Variants in RBM33 observed in about 807,000 individuals in gnomAD.
RBM33 encodes RNA-binding protein 33.
In RBM33, 28 loss-of-function variants were observed where a neutral mutation model predicts 132.6. The observed-to-expected ratio is 0.21, with a 90% confidence interval of 0.16 to 0.29. RBM33 has a LOEUF of 0.29. Ranked by LOEUF, RBM33 falls within the 10% of genes least tolerant of loss-of-function variation. The pLI, the probability that RBM33 is intolerant of heterozygous loss-of-function variation, is 1.00. For synonymous variants in RBM33, 634 were observed against 593.0 expected, an observed-to-expected ratio of 1.07 and a Z score of -1.01; for missense variants, 1,291 against 1,518.5, an observed-to-expected ratio of 0.85 and a Z score of 2.49.
chr7:155,752,690 C>T (rs1801723092), intron 14 of RBM33, among the ~76,000 whole-genome samples: 1 of 152,126 alleles, frequency 6.6e-6, no homozygotes, highest in South Asian at 2.1e-4. Flanking sequence ...GTCTAAGAAC[C>T]CATGGAAATT....
In RBM33 at chr7:155,738,244, G is replaced by T. The variant is rs769782368; in HGVS notation, c.1578G>T (p.Arg526=). 1.1e-5 allele frequency: 17 copies of T among 1,613,844 alleles called. No homozygotes were observed. In the South Asian group the frequency reaches 1.9e-4, roughly 18 times the overall value. ...AGCAGCCAGTGTTCCCAAGAGAGCG[G>T]CCCGTACGACCAGCCTTGCAGCCTC... The part of the protein sequence containing the change: ...QGQQPVFPRE[R]PVRPALQPPG... The change falls in exon 11 of 18, where the codon CGG becomes CGT. Residue 526 remains arginine (R), a synonymous_variant. Coordinates refer to ENST00000401878, the MANE Select transcript of RBM33 (RefSeq NM_053043.3).
At chr7:155,773,568 CA>C (rs201127157) in intron 16 of RBM33, among the ~76,000 whole-genome samples, 653 of 50,378 alleles carry the variant, frequency 0.013, 1 homozygote, top group African/African-American at 0.031. Context: ...ACTCCATCTC[CA>C]AAAAAAAAAA....
chr7:155,715,207 G>T (rs142037612), intron 8 of RBM33, among the ~76,000 whole-genome samples: 1 of 152,126 alleles, frequency 6.6e-6, no homozygotes, highest in East Asian at 1.9e-4. Context: ...AATGGGGAAG[G>T]GTGGCTTTCT....
In RBM33 at chr7:155,774,123, G is replaced by T. The variant is rs1235788080; in HGVS notation, c.3376-436G>T. Among the ~76,000 whole-genome samples, 1 of 152,252 alleles carries T rather than the reference G, an allele frequency of 6.6e-6. No individual in the cohort carries two copies. Among genetic ancestry groups the T allele is most frequent in the Non-Finnish European group, 1.5e-5 (1 of 68,040 alleles). The stretch of plus-strand genomic sequence containing the variant: ...TAGGGGCCATTGCCTACTGTGGGCT[G>T]TGGGGCCCCCATACTAAACAGTTTC... On this transcript the variant is annotated intron_variant, in intron 16 of 17. Transcript: ENST00000401878. The surrounding 1 kb of genome is among the most constrained non-coding windows in gnomAD (Gnocchi z 4.2).
intron 1 of RBM33, among the ~76,000 whole-genome samples, chr7:155,649,416 A>G (rs1403640754): frequency 6.6e-6 from 1 of 152,218 alleles, no homozygotes; most frequent in Non-Finnish European, 1.5e-5. Flanking sequence ...GAATGAATTA[A>G]AGAATGACAT....
At chr7:155,769,287 A>G (rs1802328085) in intron 16 of RBM33, among the ~76,000 whole-genome samples, 1 of 152,326 alleles carries the variant, frequency 6.6e-6, no homozygotes, top group Non-Finnish European at 1.5e-5. Context: ...AGGAACTGAA[A>G]GAAGCAAGAA....
At chr7:155,680,963 C>T (rs1799322500) in intron 5 of RBM33, 55 bp downstream of exon 5, 5 of 1,391,330 alleles carry the variant, frequency 3.6e-6, no homozygotes, top group Non-Finnish European at 4.9e-6. Flanking sequence ...CATGCATAGG[C>T]TTCTAGACTG....
At chr7:155,678,138 A>G (rs1169750482) in intron 3 of RBM33, among the ~76,000 whole-genome samples, 1 of 107,962 alleles carries the variant, frequency 9.3e-6, no homozygotes, top group African/African-American at 3.0e-5. Flanking sequence ...TGGAAAAACC[A>G]AAGTTTTATA....
At chr7:155,760,084 T>C (rs899732710) in intron 14 of RBM33, among the ~76,000 whole-genome samples, 1 of 152,240 alleles carries the variant, frequency 6.6e-6, no homozygotes, top group African/African-American at 2.4e-5. Context: ...CAGAACTACT[T>C]AACTTTAAAA....
At chr7:155,670,318 C>G (rs1798911632) in intron 2 of RBM33, among the ~76,000 whole-genome samples, 2 of 152,196 alleles carry the variant, frequency 1.3e-5, no homozygotes, top group South Asian at 4.1e-4. Flanking sequence ...ACACTTACTG[C>G]TGCTGCCAGC....
chr7:155,697,171 C>A (rs1799815286), intron 5 of RBM33, among the ~76,000 whole-genome samples: 1 of 151,818 alleles, frequency 6.6e-6, no homozygotes, highest in South Asian at 2.1e-4. Context: ...AGGAAAGCAA[C>A]TTAAGCCCCA....
intron 14 of RBM33, among the ~76,000 whole-genome samples, chr7:155,748,085 G>A (rs1358562534): frequency 6.6e-6 from 1 of 152,226 alleles, no homozygotes; most frequent in African/African-American, 2.4e-5. Flanking sequence ...GGGCTGAGCA[G>A]ACCTTGGCTG....
chr7:155,742,370 T>C (rs1801377735), intron 13 of RBM33, among the ~76,000 whole-genome samples: 1 of 152,186 alleles, frequency 6.6e-6, no homozygotes, highest in African/African-American at 2.4e-5. Context: ...TAACAAACTT[T>C]TTCTGTAAAG....
rs778549383 is a variant in RBM33, at chr7:155,738,065, G to A, written c.1399G>A (p.Gly467Ser). Residue 467 changes from glycine to serine, a missense_variant, in exon 11 of 18, where the codon GGT becomes AGT. This residue lies in a region of RBM33 where 841 missense variants were observed against 912.0 expected (regional missense o/e 0.92). Coordinates refer to ENST00000401878, the MANE Select transcript of RBM33 (RefSeq NM_053043.3). ...DRDPFFLGVS[G>S]EPRFPSHLFL... ...GATGTTGTGTTACCTTTCAGTTTCA[G>A]GTGAACCAAGATTCCCGAGCCATCT... 1.6e-5 allele frequency: 25 copies of A among 1,612,146 alleles called. No individual in the cohort carries two copies. The highest frequency in any genetic ancestry group is 1.3e-5 in the African/African-American group (1 of 74,806).
intron 5 of RBM33, among the ~76,000 whole-genome samples, chr7:155,683,737 G>A (rs747427936): frequency 6.6e-6 from 1 of 152,142 alleles, no homozygotes; most frequent in Non-Finnish European, 1.5e-5. Context: ...TGGTTTAGTC[G>A]ACAAAATATT....
At chr7:155,754,873 C>T (rs1181641459) in intron 14 of RBM33, among the ~76,000 whole-genome samples, 1 of 152,192 alleles carries the variant, frequency 6.6e-6, no homozygotes, top group African/African-American at 2.4e-5. Context: ...TTTAATTCTG[C>T]CTGTGTAGAC....
Position 155,665,278 on chromosome 7 carries a change from A to G in RBM33, c.122+25A>G, listed in dbSNP as rs759691251. On this transcript the variant is annotated intron_variant, in intron 2 of 17. Transcript: ENST00000401878. ...GGTACGTGCACCCTGTGCTTCACCT[A>G]ACTGCCTGTGCCGATCTCTCTCATT... The G allele has an allele frequency of 1.9e-6, 3 of 1,602,702 alleles. No individual in the cohort carries two copies. The South Asian group carries it at 3.3e-5, about 18-fold the overall frequency.
intron 1 of RBM33, among the ~76,000 whole-genome samples, chr7:155,651,000 C>T (rs2116866148): frequency 6.6e-6 from 1 of 152,282 alleles, no homozygotes; most frequent in Non-Finnish European, 1.5e-5. Context: ...GCCTCAGCCT[C>T]TCAAGTAGCT....
At chr7:155,715,700 G>A (rs1409212713) in intron 8 of RBM33, among the ~76,000 whole-genome samples, 1 of 152,226 alleles carries the variant, frequency 6.6e-6, no homozygotes, top group Non-Finnish European at 1.5e-5. Context: ...GAAGGACAAA[G>A]TGTTCTTGCT....
Sources: gnomAD v4.1 joint callset for allele counts (sites outside exome capture counted in the v4.1 genomes callset) on GRCh38, gnomAD v4.1.1 for gene constraint, gnomAD v4.1.1 regional missense constraint, Gnocchi (gnomAD v3.1) non-coding constraint, MANE v1.5 for transcripts, NCBI Gene and HGNC (gene_info 2026-07-23, HGNC 2026-07-21) for gene names.